The following RYR2 variants were observed in gnomAD, a reference collection of about 807,000 sequenced individuals.
RYR2 encodes the protein ryanodine receptor 2.
In RYR2, 227 loss-of-function variants were observed where a neutral mutation model predicts 601.1. The observed-to-expected ratio is 0.38, with a 90% CI of 0.34 to 0.42. The LOEUF is 0.42. Ranked by LOEUF, RYR2 falls within the 10% of genes least tolerant of loss-of-function variation. The pLI is 1.00. For missense variants in RYR2, 4,646 were observed against 6,156.5 expected (o/e 0.75, Z 8.21); for synonymous variants, 2,223 against 2,175.1 (o/e 1.02, Z -0.61).
rs71561885 is a variant in RYR2, at chr1:237,536,714, C to CAAAAA, written c.2906+6222_2906+6226dup. ...CGGACGACAGAGCGAGATTCCGTCT[C>CAAAAA]AAAAAAAAAAAAAAAAAAAAAATTA... On this transcript the variant is annotated intron_variant, in intron 25 of 104. Coordinates refer to ENST00000366574, the MANE Select transcript of RYR2 (RefSeq NM_001035.3). Among the ~76,000 whole-genome samples the CAAAAA allele has an allele frequency of 7.3e-5, 4 of 54,424 alleles. 1 individual carries two copies. The highest frequency in any genetic ancestry group is 5.0e-4 in the Admixed American group (2 of 4,012). The allele number at this position is 54,424 out of a possible 152,430, so 35.7% of individuals were successfully genotyped here.
chr1:237,609,564 G>A (rs1395217938), intron 35 of RYR2, among the ~76,000 whole-genome samples: 1 of 151,854 alleles, frequency 6.6e-6, no homozygotes, highest in Non-Finnish European at 1.5e-5. Flanking sequence ...TGTATTTTTA[G>A]CAGTGGGCCA....
At chr1:237,758,314 G>A (rs1036054200) in intron 82 of RYR2, among the ~76,000 whole-genome samples, 1 of 152,062 alleles carries the variant, frequency 6.6e-6, no homozygotes, top group East Asian at 1.9e-4. Context: ...TCTTGTCTAT[G>A]TGGAACTTGT....
At chr1:237,159,988 T>G (rs968557657) in intron 1 of RYR2, among the ~76,000 whole-genome samples, 1 of 152,224 alleles carries the variant, frequency 6.6e-6, no homozygotes, top group East Asian at 1.9e-4. Context: ...TCCCTCCAAT[T>G]TGAATATCTG....
At chr1:237,108,009 C>T (rs987617902) in intron 1 of RYR2, among the ~76,000 whole-genome samples, 4 of 152,168 alleles carry the variant, frequency 2.6e-5, no homozygotes, top group Non-Finnish European at 4.4e-5. Flanking sequence ...TCTCTCATGT[C>T]CCCTGTGGGA....
intron 98 of RYR2, chr1:237,802,320 T>G (rs1660071628): frequency 6.5e-6 from 1 of 153,656 alleles, no homozygotes; most frequent in Admixed American, 6.5e-5. Context: ...TTTTTTTTAT[T>G]CTCCTTTTAC....
At chr1:237,062,298 G>A (rs1399839315) in intron 1 of RYR2, among the ~76,000 whole-genome samples, 1 of 152,156 alleles carries the variant, frequency 6.6e-6, no homozygotes, top group Non-Finnish European at 1.5e-5. Context: ...TAATGAAATA[G>A]CATCAAATCT....
At chr1:237,149,381 A>G (rs1384360608) in intron 1 of RYR2, among the ~76,000 whole-genome samples, 1 of 152,214 alleles carries the variant, frequency 6.6e-6, no homozygotes, top group Non-Finnish European at 1.5e-5. Context: ...ATTTTAAAGG[A>G]GGTAGAATAC....
intron 101 of RYR2, among the ~76,000 whole-genome samples, chr1:237,820,980 C>T (rs1662428536): frequency 6.6e-6 from 1 of 152,200 alleles, no homozygotes; most frequent in Non-Finnish European, 1.5e-5. Flanking sequence ...TAGATTCCTC[C>T]TCTCTGGGCA....
intron 35 of RYR2, among the ~76,000 whole-genome samples, chr1:237,605,412 G>A (rs1463032426): frequency 6.6e-6 from 1 of 152,130 alleles, no homozygotes; most frequent in Non-Finnish European, 1.5e-5. Context: ...AGGTATTGAT[G>A]GGACGTATCT....
intron 33 of RYR2, among the ~76,000 whole-genome samples, chr1:237,594,902 T>TG (rs1675678202): frequency 7.7e-5 from 2 of 26,078 alleles, no homozygotes; most frequent in African/African-American, 1.2e-4. Flanking sequence ...TTTTTTTTTT[T>TG]TTTTTTTTTT....
At chr1:237,583,874 G>A (rs1347429434) in intron 29 of RYR2, among the ~76,000 whole-genome samples, 1 of 152,178 alleles carries the variant, frequency 6.6e-6, no homozygotes, top group Non-Finnish European at 1.5e-5. Flanking sequence ...GGAGCAGGGA[G>A]GCTCATCAGC....
At chr1:237,254,044 A>G (rs538277165) in intron 1 of RYR2, among the ~76,000 whole-genome samples, 99 of 152,354 alleles carry the variant, frequency 6.5e-4, no homozygotes, top group African/African-American at 2.0e-3. Context: ...AAACCCTTCT[A>G]TAAACATGAA....
Position 237,709,114 on chromosome 1 carries a change from A to G in RYR2, c.10142+16A>G. 6.5e-7 allele frequency: 1 copy of G among 1,540,472 alleles called. No individual in the cohort carries two copies. On this transcript the variant is annotated intron_variant, in intron 69 of 104. Coordinates refer to ENST00000366574, the MANE Select transcript of RYR2 (RefSeq NM_001035.3). ...ACTATAACAGGTATGATCAAAAGTAATTTAGTAATTTCTCCAATTCGGTCA... is the reference window on the plus strand; with the variant it reads ...ACTATAACAGGTATGATCAAAAGTAGTTTAGTAATTTCTCCAATTCGGTCA...
At chr1:237,727,677 G>A (rs1690311396) in intron 76 of RYR2, among the ~76,000 whole-genome samples, 1 of 152,114 alleles carries the variant, frequency 6.6e-6, no homozygotes, top group Non-Finnish European at 1.5e-5. Flanking sequence ...AAGTGAGCTA[G>A]TAGGTTTATG....
chr1:237,467,644 G>A (rs777837061), intron 16 of RYR2, among the ~76,000 whole-genome samples: 3 of 152,076 alleles, frequency 2.0e-5, no homozygotes, highest in East Asian at 1.9e-4. Context: ...TGAAGTTGGC[G>A]TCTTTTCTGT....
chr1:237,833,361 C>T lies in RYR2; in HGVS notation c.*714C>T, dbSNP rs12406863. The T allele has an allele frequency of 1.6e-5, 2 of 122,666 alleles. No individual in the cohort carries two copies. The highest frequency in any genetic ancestry group is 3.0e-5 in the African/African-American group (1 of 32,832). 7.6% of individuals were successfully genotyped at this position (122,666 alleles called of 1,614,324 possible). ...GCTAAATTCACATTTGCCCCCCCCC[C>T]CCGCCCCCGCCCCCATATGCTCCTG... On this transcript the variant is annotated 3_prime_UTR_variant, in exon 105 of 105. Coordinates refer to ENST00000366574, the MANE Select transcript of RYR2 (RefSeq NM_001035.3).
intron 73 of RYR2, 109 bp from the exon 74 acceptor site, chr1:237,723,019 C>A: frequency 2.2e-6 from 2 of 917,820 alleles, no homozygotes; most frequent in Non-Finnish European, 3.3e-6. Context: ...AACTGGTAAA[C>A]ACTGTAAAGC....
intron 2 of RYR2, among the ~76,000 whole-genome samples, chr1:237,307,206 C>G (rs1213414615): frequency 6.6e-6 from 1 of 152,150 alleles, no homozygotes; most frequent in Non-Finnish European, 1.5e-5. Context: ...ATTGCACATA[C>G]GTTTTTTCAC....
At chr1:237,730,144 A>G (rs972254812) in intron 76 of RYR2, 116 bp from the exon 77 acceptor site, 2 of 642,666 alleles carry the variant, frequency 3.1e-6, no homozygotes, top group Non-Finnish European at 5.6e-6. Flanking sequence ...AGAATAGAGA[A>G]TTTATTTCTA....
Sources: allele counts gnomAD v4.1 joint callset (sites outside exome capture counted in the v4.1 genomes callset), GRCh38; gene constraint gnomAD v4.1.1; transcripts MANE v1.5; gene names NCBI Gene and HGNC (gene_info 2026-07-23, HGNC 2026-07-21).